STARD6: variants seen among roughly 807,000 people sequenced by gnomAD.
STARD6 encodes stAR-related lipid transfer protein 6.
STARD6 carries 21 observed loss-of-function variants against 22.3 expected under a neutral mutation model. The observed-to-expected ratio is 0.94, with a 90% CI of 0.67 to 1.35. The LOEUF (loss-of-function observed/expected upper bound fraction) is 1.35. STARD6 is among the 40% of genes most tolerant of loss of function. The probability of loss-of-function intolerance (pLI) is 0.00; values close to 1 mark genes in which losing one functional copy is unlikely to be tolerated. For missense variants in STARD6, 269 were observed against 266.9 expected, an observed-to-expected ratio of 1.01 and a Z score of -0.05; for synonymous variants, 80 against 88.1, an observed-to-expected ratio of 0.91 and a Z score of 0.52.
At chr18:54,336,866 C>T (rs1354305245) in intron 5 of STARD6, among the ~76,000 whole-genome samples, 1 of 152,222 alleles carries the variant, frequency 6.6e-6, no homozygotes, top group African/African-American at 2.4e-5. Flanking sequence ...TCCCTGAGTT[C>T]TGTTCCTTTA....
intron 7 of STARD6, among the ~76,000 whole-genome samples, chr18:54,327,287 CAT>C (rs1276901794): frequency 6.6e-6 from 1 of 151,948 alleles, no homozygotes; most frequent in African/African-American, 2.4e-5. Context: ...ATCCAGAAGG[CAT>C]ATATATATTT....
intron 4 of STARD6, among the ~76,000 whole-genome samples, chr18:54,338,963 G>T (rs1002595347): frequency 5.0e-5 from 7 of 138,704 alleles, no homozygotes; most frequent in Non-Finnish European, 6.1e-5. Context: ...CAGGAGAATC[G>T]CTTGAACCCA....
At chr18:54,337,318 T>C in intron 4 of STARD6, 67 bp from the exon 5 acceptor site, 1 of 1,452,170 alleles carries the variant, frequency 6.9e-7, no homozygotes, top group Non-Finnish European at 9.3e-7. Context: ...AATATAATAC[T>C]ATCAAAGCAT....
chr18:54,326,384 T>G (rs1345321337), intron 7 of STARD6, among the ~76,000 whole-genome samples: 1 of 146,166 alleles, frequency 6.8e-6, no homozygotes, highest in Non-Finnish European at 1.5e-5. Flanking sequence ...CAGGCTGGAG[T>G]GCCGTGGAGT....
chr18:54,344,476 C>A (rs1359255995), intron 4 of STARD6, among the ~76,000 whole-genome samples: 3 of 96,206 alleles, frequency 3.1e-5, no homozygotes, highest in Non-Finnish European at 6.2e-5. Context: ...AACCAGAGAC[C>A]TTTGTTCACT....
At chr18:54,347,021 G>A (rs1657876) in intron 4 of STARD6, among the ~76,000 whole-genome samples, 114,742 of 152,022 alleles carry the variant, frequency 0.75, 44,218 homozygotes, top group African/African-American at 0.93. Context: ...CAATCACTGA[G>A]TTGTACACTT....
At position 54,324,639 on chromosome 18, in the gene STARD6, A is replaced by T. The variant is rs2088807080; in HGVS notation, c.*53T>A. On this transcript the variant is annotated 3_prime_UTR_variant, in exon 8 of 8. Coordinates refer to ENST00000307844, the MANE Select transcript of STARD6 (RefSeq NM_139171.2). ...TGCGTTGACTTAGAAGTAAACAGCA[A>T]TAACTACTACACATGATTTTATAGC... 1 of 1,564,140 alleles carries T rather than the reference A, an allele frequency of 6.4e-7. No individual in the cohort carries two copies.
At chr18:54,344,583 T>TAAAAAAAAAAAAAAAAAAA (rs55736082) in intron 4 of STARD6, among the ~76,000 whole-genome samples, 8 of 94,054 alleles carry the variant, frequency 8.5e-5, no homozygotes, top group East Asian at 2.6e-4. Flanking sequence ...AAAAATAAAT[T>TAAAAAAAAAAAAAAAAAAA]AAAAAAAAAA....
intron 6 of STARD6, among the ~76,000 whole-genome samples, chr18:54,330,375 A>T (rs1334431348): frequency 6.6e-6 from 1 of 152,078 alleles, no homozygotes; most frequent in Non-Finnish European, 1.5e-5. Context: ...TCTTTAAAAA[A>T]ATCTGTTGTA....
intron 5 of STARD6, among the ~76,000 whole-genome samples, chr18:54,336,335 G>T (rs1260290172): frequency 6.6e-6 from 1 of 152,134 alleles, no homozygotes; most frequent in Non-Finnish European, 1.5e-5. Context: ...CATGTCAAGG[G>T]CAGGACCAGG....
rs776204192 is a variant in STARD6, at chr18:54,337,123, AC to A, written c.267+1del. 1 of 1,605,126 alleles carries A rather than the reference AC, an allele frequency of 6.2e-7. No homozygotes were observed. The highest frequency in any genetic ancestry group is 2.2e-5 in the East Asian group (1 of 44,706). ...GAAGTCCAGTATTAAACAACAAATT[AC>A]CGAATCAATCCTGTGTACCATATTA... On this transcript the variant is annotated splice_donor_variant, in intron 5 of 7. Coordinates refer to ENST00000307844, the MANE Select transcript of STARD6 (RefSeq NM_139171.2).
chr18:54,345,341 G>C (rs2089024283), intron 4 of STARD6, among the ~76,000 whole-genome samples: 1 of 151,782 alleles, frequency 6.6e-6, no homozygotes, highest in African/African-American at 2.4e-5. Flanking sequence ...AATGGTGTTA[G>C]AGTAAAATAA....
chr18:54,343,279 G>C (rs1428553304), intron 4 of STARD6, among the ~76,000 whole-genome samples: 1 of 108,092 alleles, frequency 9.3e-6, no homozygotes, highest in African/African-American at 3.7e-5. Flanking sequence ...TGCCCCGTCT[G>C]AGAAGTGAGG....
At chr18:54,335,184 T>C (rs2088897374) in intron 5 of STARD6, among the ~76,000 whole-genome samples, 1 of 146,470 alleles carries the variant, frequency 6.8e-6, no homozygotes, top group African/African-American at 2.6e-5. Context: ...ATTTATTTAT[T>C]TATTTATTTA....
In STARD6 at chr18:54,324,719, A is replaced by G; in HGVS notation, c.636T>C (p.Arg212=). ...GIKAHRTPSR[R]GFHHNSHS ...ATGAATGACTATTATGATGAAATCC[A>G]CGTCTTGATGGAGTTCTGTGTGCCT... The change falls in exon 8 of 8, where the codon CGT becomes CGC. Residue 212 remains arginine, a synonymous_variant. Coordinates refer to ENST00000307844, the MANE Select transcript of STARD6 (RefSeq NM_139171.2). 2 of 1,613,316 alleles carry G rather than the reference A, an allele frequency of 1.2e-6. No homozygotes were observed. The highest frequency in any genetic ancestry group is 1.7e-6 in the Non-Finnish European group (2 of 1,179,664).
intron 5 of STARD6, among the ~76,000 whole-genome samples, chr18:54,333,310 G>A (rs185727262): frequency 2.6e-5 from 4 of 152,152 alleles, no homozygotes; most frequent in East Asian, 1.9e-4. Context: ...TTAGCCGGGC[G>A]TGGTGGCGGG....
At chr18:54,351,067 T>C (rs988264511) in intron 4 of STARD6, among the ~76,000 whole-genome samples, 13 of 152,200 alleles carry the variant, frequency 8.5e-5, no homozygotes, top group Admixed American at 8.5e-4. Context: ...GTAGATTGTT[T>C]TGGCAGTAGG....
chr18:54,341,011 A>G (rs1229230262), intron 4 of STARD6, among the ~76,000 whole-genome samples: 1 of 152,214 alleles, frequency 6.6e-6, no homozygotes, highest in African/African-American at 2.4e-5. Context: ...ATCTCGAGGG[A>G]GAAATAGATA....
chr18:54,345,019 T>C (rs905661693), intron 4 of STARD6, among the ~76,000 whole-genome samples: 4 of 152,172 alleles, frequency 2.6e-5, no homozygotes, highest in African/African-American at 9.7e-5. Flanking sequence ...GTCACTGCTA[T>C]TAAACATTGT....
Sources: gnomAD v4.1 joint callset for allele counts (sites outside exome capture counted in the v4.1 genomes callset) on GRCh38, gnomAD v4.1.1 for gene constraint, MANE v1.5 for transcripts, NCBI Gene and HGNC (gene_info 2026-07-23, HGNC 2026-07-21) for gene names.